The following NIBAN2 variants were observed in gnomAD, a reference collection of about 807,000 sequenced individuals.
The protein encoded by NIBAN2 is protein Niban 2.
NIBAN2 carries 36 observed loss-of-function variants against 81.8 expected under a neutral mutation model. The observed-to-expected ratio is 0.44, with a 90% CI of 0.34 to 0.58. The LOEUF (loss-of-function observed/expected upper bound fraction) is 0.58, where lower values mean the gene tolerates loss of function less well. Ranked by LOEUF, NIBAN2 falls within the 20% of genes least tolerant of loss-of-function variation. NIBAN2 has a pLI of 0.02. For synonymous variants in NIBAN2, 445 were observed against 441.6 expected (o/e 1.01, Z -0.10); for missense variants, 897 against 1,014.1 (o/e 0.88, Z 1.57).
intron 1 of NIBAN2, among the ~76,000 whole-genome samples, chr9:127,554,564 T>C (rs1837633855): frequency 7.0e-6 from 1 of 142,006 alleles, no homozygotes; most frequent in Non-Finnish European, 1.5e-5. Context: ...TTTTTTTTTT[T>C]TTTTTTTGCT....
intron 1 of NIBAN2, among the ~76,000 whole-genome samples, chr9:127,558,161 C>A (rs1837708532): frequency 6.6e-6 from 1 of 152,152 alleles, no homozygotes; most frequent in African/African-American, 2.4e-5. Context: ...CATAGACGGG[C>A]CTGGGCTGTC....
At chr9:127,570,664 G>C (rs375306100), upstream of NIBAN2, among the ~76,000 whole-genome samples, 23 of 152,230 alleles carry the variant, frequency 1.5e-4, no homozygotes, top group Non-Finnish European at 2.4e-4. Flanking sequence ...AATCACAGAG[G>C]GGGTAGGACC....
chr9:127,508,208 G>C lies in NIBAN2; in HGVS notation c.1435-8C>G, dbSNP rs765598721. The C allele has an allele frequency of 3.1e-6, 5 of 1,608,290 alleles. No individual in the cohort carries two copies. The South Asian group carries it at 4.4e-5, about 14-fold the overall frequency. On this transcript the variant is annotated splice_region_variant and splice_polypyrimidine_tract_variant and intron_variant, in intron 11 of 13. Coordinates refer to ENST00000373312, the MANE Select transcript of NIBAN2 (RefSeq NM_022833.4). This position sits in a 1 kb window ranked among gnomAD's most constrained non-coding sequence, Gnocchi z 6.4. ...GCTGTCGTAGTCGTATTTCTGCAGG[G>C]AACAAGGGGGTCGGGGGTCTGCAGG...
rs79640188 is a variant in NIBAN2, at chr9:127,555,586, A to C, written c.55+13234T>G. Among the ~76,000 whole-genome samples, 847 of 152,254 alleles carry C rather than the reference A, an allele frequency of 5.6e-3. 14 individuals are homozygous for C. The East Asian group carries it at 0.065, about 12-fold the overall frequency. ...CAGCACTTTGGGAGGCCAAGGCAGG[A>C]GGGTCACGTGAACAGCACACCTCTA... On this transcript the variant is annotated intron_variant, in intron 1 of 13. Coordinates refer to ENST00000373312, the MANE Select transcript of NIBAN2 (RefSeq NM_022833.4).
rs1836587018 is a variant in NIBAN2 at position 127,506,037 on chromosome 9, C to T, written c.*808G>A. On this transcript the variant is annotated 3_prime_UTR_variant, in exon 14 of 14. Coordinates refer to ENST00000373312, the MANE Select transcript of NIBAN2 (RefSeq NM_022833.4). The stretch of plus-strand genomic sequence containing the variant: ...AGAGGGACAGGGACCAGAGGGAGAC[C>T]TGTGGGCCAGGCGGGCAGGAGGGAG... 6.5e-6 allele frequency: 1 copy of T among 153,498 alleles called. No homozygotes were observed. Among genetic ancestry groups the T allele is most frequent in the Non-Finnish European group, 1.4e-5 (1 of 69,078 alleles). 9.5% of individuals were successfully genotyped at this position (153,498 alleles called of 1,614,324 possible). A position where few individuals can be genotyped will look rare whatever the true frequency, so the allele number is the denominator to read the frequency against.
chr9:127,576,285 G>A (rs1192405464), intron 1 of NIBAN2, among the ~76,000 whole-genome samples: 2 of 151,904 alleles, frequency 1.3e-5, no homozygotes, highest in African/African-American at 2.4e-5. Flanking sequence ...GGGGTACAAA[G>A]TCCCTTCTAT....
intron 1 of NIBAN2, among the ~76,000 whole-genome samples, chr9:127,568,571 G>C (rs1837898452): frequency 6.6e-6 from 1 of 152,134 alleles, no homozygotes; most frequent in South Asian, 2.1e-4. Context: ...GCTCCGAAGG[G>C]GTTCCGGGAG....
intron 1 of NIBAN2, among the ~76,000 whole-genome samples, chr9:127,557,039 T>C (rs943889151): frequency 1.3e-5 from 2 of 152,176 alleles, no homozygotes; most frequent in African/African-American, 4.8e-5. Flanking sequence ...ATTGCAATAC[T>C]GCACTCCAGC....
In NIBAN2 at chr9:127,509,804, C is replaced by T. The variant is rs1836696128; in HGVS notation, c.1161+342G>A. 2.8e-5 allele frequency: 2 copies of T among 71,362 alleles called. 1 individual carries two copies. Among genetic ancestry groups the T allele is most frequent in the East Asian group, 4.6e-4 (2 of 4,376 alleles). 4.4% of individuals were successfully genotyped at this position (71,362 alleles called of 1,614,324 possible). On this transcript the variant is annotated intron_variant, in intron 9 of 13. Coordinates refer to ENST00000373312, the MANE Select transcript of NIBAN2 (RefSeq NM_022833.4). The stretch of plus-strand genomic sequence containing the variant: ...TCTCCTTCCCTCCTTCCCTCCTCTC[C>T]TTCCCTCCTTCCCTCCTCTCCTTCC...
chr9:127,557,730 C>T (rs1379724542), intron 1 of NIBAN2, among the ~76,000 whole-genome samples: 1 of 152,246 alleles, frequency 6.6e-6, no homozygotes, highest in Non-Finnish European at 1.5e-5. Context: ...AAAGTCACTC[C>T]TCTGCTCCAA....
Position 127,528,797 on chromosome 9 carries a change from A to G in NIBAN2, c.187-1475T>C, listed in dbSNP as rs139128048. Among the ~76,000 whole-genome samples the G allele has an allele frequency of 5.9e-3, 903 of 152,376 alleles. 2 individuals carry two copies. The highest frequency in any genetic ancestry group is 0.027 in the Middle Eastern group (8 of 294). ...GCTCAAATCCCTGTCTTTTCTAGAA[A>G]GAGCAGACAGAGCTCTCATAACACC... is the stretch of plus-strand genomic sequence containing the variant. On this transcript the variant is annotated intron_variant, in intron 2 of 13. Coordinates refer to ENST00000373312, the MANE Select transcript of NIBAN2 (RefSeq NM_022833.4).
chr9:127,517,204 G>C lies in NIBAN2; in HGVS notation c.718C>G (p.Leu240Val). Residue 240 changes from leucine to valine, a missense_variant, in exon 7 of 14, where the codon CTG becomes GTG. This residue lies in a region of NIBAN2 where 619 missense variants were observed against 691.0 expected (regional missense o/e 0.90). Coordinates refer to ENST00000373312, the MANE Select transcript of NIBAN2 (RefSeq NM_022833.4). The surrounding 1 kb of genome is among the most constrained non-coding windows in gnomAD (Gnocchi z 4.0). ...CGNEVQILSN[L>V]VMEELGPELK... ...TCAGGGCCCAGCTCCTCCATCACCA[G>C]GTTGCTCAGGATCTAGGTTGAGGAG... 1.2e-6 allele frequency: 2 copies of C among 1,613,878 alleles called. No homozygotes were observed. The highest frequency in any genetic ancestry group is 1.7e-6 in the Non-Finnish European group (2 of 1,179,958).
intron 1 of NIBAN2, among the ~76,000 whole-genome samples, chr9:127,556,736 T>C (rs1837678085): frequency 6.6e-6 from 1 of 152,106 alleles, no homozygotes; most frequent in African/African-American, 2.4e-5. Context: ...GGGGAGCCCA[T>C]GGTGAGTTAG....
At position 127,568,896 on chromosome 9, in the gene NIBAN2, G is replaced by C; in HGVS notation, c.-22C>G. ...CCATGGCCAGGAGGTGTCGCGGCCC[G>C]ATCCGGCCGACGCCGCCGCTGTTGC... On this transcript the variant is annotated 5_prime_UTR_variant, in exon 1 of 14. The change creates a new upstream start codon in the 5' untranslated region. Coordinates refer to ENST00000373312, the MANE Select transcript of NIBAN2 (RefSeq NM_022833.4). 7.8e-7 allele frequency: 1 copy of C among 1,278,120 alleles called. No homozygotes were observed. 79.2% of individuals were successfully genotyped at this position (1,278,120 alleles called of 1,614,324 possible). A position where few individuals can be genotyped will look rare whatever the true frequency, so the allele number is the denominator to read the frequency against.
At position 127,517,085 on chromosome 9, in the gene NIBAN2, C is replaced by T. The variant is rs1029174355; in HGVS notation, c.810+27G>A. 6.2e-7 allele frequency: 1 copy of T among 1,611,514 alleles called. No individual in the cohort carries two copies. The highest frequency in any genetic ancestry group is 8.5e-7 in the Non-Finnish European group (1 of 1,178,284). ...ACCGCACCAGCTGCAGGTCCCGTCC[C>T]CGCTCCAGGGCCCCAGGCCCACCCA... On this transcript the variant is annotated intron_variant, in intron 7 of 13. Coordinates refer to ENST00000373312, the MANE Select transcript of NIBAN2 (RefSeq NM_022833.4). This position sits in a 1 kb window ranked among gnomAD's most constrained non-coding sequence, Gnocchi z 4.0.
Position 127,517,879 on chromosome 9 carries a change from G to C in NIBAN2, c.652C>G (p.Gln218Glu), listed in dbSNP as rs1427396009. Residue 218 changes from glutamine to glutamate, a missense_variant, in exon 6 of 14, where the codon CAG becomes GAG. By Grantham distance (29) the Gln-to-Glu change is conservative. This residue lies in a region of NIBAN2 where 69 missense variants were observed against 114.7 expected (regional missense o/e 0.60). Transcript: ENST00000373312. The surrounding 1 kb of genome is among the most constrained non-coding windows in gnomAD (Gnocchi z 4.0). ...AFTDAIRMYRQSKELYGTWEM... is the reference protein window; with the variant it reads ...AFTDAIRMYRESKELYGTWEM... ...CAGGTGCCGTACAGCTCCTTGGACT[G>C]TCGGTACATGCGGATGGCATCTGTG... is the stretch of plus-strand genomic sequence containing the variant. The C allele has an allele frequency of 1.2e-6, 2 of 1,613,820 alleles. No homozygotes were observed. Among genetic ancestry groups the C allele is most frequent in the Non-Finnish European group, 1.7e-6 (2 of 1,179,884 alleles).
Position 127,526,741 on chromosome 9 carries a change from G to A in NIBAN2, c.315+453C>T, listed in dbSNP as rs78497287. On this transcript the variant is annotated intron_variant, in intron 3 of 13. Transcript: ENST00000373312. ...ATGCTCCCATAGGATGTCCTTCTCG[G>A]ACACCTACCCACCTGTAGGGCAGGG... 3.6e-3 allele frequency among the ~76,000 whole-genome samples: 548 copies of A among 152,268 alleles called. 6 individuals are homozygous for A. The East Asian group carries it at 0.04, about 11-fold the overall frequency.
At position 127,536,795 on chromosome 9, in the gene NIBAN2, G is replaced by A. The variant is rs1235137963; in HGVS notation, c.56-5017C>T. Among the ~76,000 whole-genome samples the A allele has an allele frequency of 6.6e-6, 1 of 152,214 alleles. No individual in the cohort carries two copies. Among genetic ancestry groups the A allele is most frequent in the East Asian group, 1.9e-4 (1 of 5,190 alleles). On this transcript the variant is annotated intron_variant, in intron 1 of 13. Coordinates refer to ENST00000373312, the MANE Select transcript of NIBAN2 (RefSeq NM_022833.4). This position sits in a 1 kb window ranked among gnomAD's most constrained non-coding sequence, Gnocchi z 4.0. ...ATAGTCGGCTGCATGCCACCCTCCT[G>A]GTCCTAGCTCTGGCCATTGTCTACA...
At chr9:127,569,475 C>A (rs1837920352), upstream of NIBAN2, among the ~76,000 whole-genome samples, 1 of 151,912 alleles carries the variant, frequency 6.6e-6, no homozygotes, top group South Asian at 2.1e-4. Context: ...GGGACTCCAG[C>A]CTGAGTGTCA....
Sources: allele counts gnomAD v4.1 joint callset (sites outside exome capture counted in the v4.1 genomes callset), GRCh38; gene constraint gnomAD v4.1.1; regional missense constraint gnomAD v4.1.1; non-coding constraint Gnocchi (gnomAD v3.1); transcripts MANE v1.5; gene names NCBI Gene and HGNC (gene_info 2026-07-23, HGNC 2026-07-21).